LPA: variants seen among roughly 807,000 people sequenced by gnomAD.
LPA encodes the protein lipoprotein(a).
LPA carries 199 observed loss-of-function variants against 197.9 expected under a neutral mutation model. The observed-to-expected ratio is 1.01, with a 90% CI of 0.90 to 1.13. The LOEUF (loss-of-function observed/expected upper bound fraction) is 1.13, where lower values mean the gene tolerates loss of function less well. Ranked by LOEUF, LPA falls within the 50% of genes most tolerant of loss-of-function variation. The pLI is 0.00. For synonymous variants in LPA, 715 were observed against 639.5 expected (o/e 1.12, Z -1.78); for missense variants, 1,853 against 1,785.8 (o/e 1.04, Z -0.68).
intron 32 of LPA, among the ~76,000 whole-genome samples, chr6:160,546,740 G>A (rs1175249930): frequency 6.6e-6 from 1 of 152,120 alleles, no homozygotes; most frequent in East Asian, 1.9e-4. Flanking sequence ...ACTCGCTTGG[G>A]GTGTGAGGAG....
chr6:160,557,575 C>A lies in LPA; in HGVS notation c.4632-4G>T. On this transcript the variant is annotated splice_region_variant and splice_polypyrimidine_tract_variant and intron_variant, in intron 28 of 38. Transcript: ENST00000316300. ...GCAGTAGTTCTCGGTCAGGCCACTG[C>A]AAATTCCAAAACAACACAGGTCACA... The A allele has an allele frequency of 6.2e-7, 1 of 1,614,070 alleles. No individual in the cohort carries two copies. Among genetic ancestry groups the A allele is most frequent in the Non-Finnish European group, 8.5e-7 (1 of 1,179,972 alleles).
At chr6:160,565,199 G>T (rs1778429852) in intron 28 of LPA, among the ~76,000 whole-genome samples, 1 of 152,222 alleles carries the variant, frequency 6.6e-6, no homozygotes, top group Non-Finnish European at 1.5e-5. Flanking sequence ...GAGAGTTTGA[G>T]ATCTGAGAAT....
At chr6:160,577,848 C>T (rs1039120275) in intron 27 of LPA, among the ~76,000 whole-genome samples, 3 of 152,194 alleles carry the variant, frequency 2.0e-5, no homozygotes, top group Non-Finnish European at 2.9e-5. Flanking sequence ...AGGGAATCTT[C>T]TAGTGCCCAG....
intron 16 of LPA, among the ~76,000 whole-genome samples, chr6:160,610,320 C>A (rs1779465806): frequency 6.6e-6 from 1 of 152,226 alleles, no homozygotes; most frequent in South Asian, 2.1e-4. Context: ...TGGACACTTG[C>A]TTTTCAGCTG....
intron 37 of LPA, among the ~76,000 whole-genome samples, chr6:160,536,303 C>T (rs1777894448): frequency 6.6e-6 from 1 of 152,144 alleles, no homozygotes; most frequent in Non-Finnish European, 1.5e-5. Context: ...CTAAGAATTT[C>T]CCTTGTTTTG....
chr6:160,598,874 C>T (rs1294819281), intron 20 of LPA, among the ~76,000 whole-genome samples: 1 of 152,186 alleles, frequency 6.6e-6, no homozygotes, highest in East Asian at 1.9e-4. Context: ...GGGACTAGAG[C>T]TTAGAATGAT....
At chr6:160,655,994 T>G (rs1780125351) in intron 1 of LPA, among the ~76,000 whole-genome samples, 1 of 152,194 alleles carries the variant, frequency 6.6e-6, no homozygotes, top group African/African-American at 2.4e-5. Flanking sequence ...AAAAAGCCAC[T>G]TGCCAAGCCA....
chr6:160,600,796 G>GA, intron 19 of LPA, 121 bp downstream of exon 19: 1 of 1,153,170 alleles, frequency 8.7e-7, no homozygotes, highest in Non-Finnish European at 1.3e-6. Flanking sequence ...CCTCCCACAT[G>GA]GCAGACCCAG....
At position 160,532,533 on chromosome 6, in the gene LPA, G is replaced by A; in HGVS notation, c.5959C>T (p.Gln1987Ter). ...TTGATCTATTGATCTTTTCTTACCT[G>A]GCAACTGTCAGTGCCTCTGGCCAAA... is the stretch of plus-strand genomic sequence containing the variant. ...EHLARGTDSC[Q>*]GDSGGPLVCF... The change falls in exon 38 of 39, where the codon CAG becomes TAG. Residue 1987 changes from glutamine (Q) to a stop codon, truncating the protein, a stop_gained and splice_region_variant. Transcript: ENST00000316300. LOFTEE classifies it high-confidence loss of function. 1 of 1,585,804 alleles carries A rather than the reference G, an allele frequency of 6.3e-7. No homozygotes were observed. The highest frequency in any genetic ancestry group is 8.7e-7 in the Non-Finnish European group (1 of 1,154,348).
intron 28 of LPA, among the ~76,000 whole-genome samples, chr6:160,568,044 C>A (rs916819878): frequency 1.3e-5 from 2 of 152,016 alleles, no homozygotes; most frequent in Non-Finnish European, 2.9e-5. Context: ...GATTCATAGC[C>A]GAATTCTACC....
intron 20 of LPA, among the ~76,000 whole-genome samples, chr6:160,598,475 T>C (rs1339745280): frequency 6.6e-6 from 1 of 152,200 alleles, no homozygotes; most frequent in Non-Finnish European, 1.5e-5. Context: ...AGCCAAGGCA[T>C]TGATGGGTTG....
chr6:160,566,563 C>G (rs1053689596), intron 28 of LPA, among the ~76,000 whole-genome samples: 1 of 152,156 alleles, frequency 6.6e-6, no homozygotes, highest in Non-Finnish European at 1.5e-5. Flanking sequence ...ACCATCGATG[C>G]TAGGAAGAAA....
In LPA at chr6:160,634,068, A is replaced by C. The variant is rs1282628265; in HGVS notation, c.1076-156T>G. ...TGGATGGGAGAAAACCAACCAAAAAACATACAGCAAACCTACAGATTCCTA... is the reference window on the plus strand; with the variant it reads ...TGGATGGGAGAAAACCAACCAAAAACCATACAGCAAACCTACAGATTCCTA... On this transcript the variant is annotated intron_variant, in intron 7 of 38. Transcript: ENST00000316300. 1.4e-5 allele frequency among the ~76,000 whole-genome samples: 2 copies of C among 144,948 alleles called. 1 individual carries two copies. The highest frequency in any genetic ancestry group is 5.2e-5 in the African/African-American group (2 of 38,572).
chr6:160,532,985 T>C (rs1025105385), intron 37 of LPA, among the ~76,000 whole-genome samples: 1 of 152,254 alleles, frequency 6.6e-6, no homozygotes, highest in African/African-American at 2.4e-5. Context: ...ATTCTTTTTA[T>C]ATACTTTTTT....
chr6:160,582,873 T>C (rs115625992), intron 26 of LPA, among the ~76,000 whole-genome samples: 110 of 152,272 alleles, frequency 7.2e-4, no homozygotes, highest in African/African-American at 2.4e-3. Flanking sequence ...TGAGGCTCTG[T>C]TTATCTTCTC....
At chr6:160,600,869 T>C in intron 19 of LPA, 48 bp downstream of exon 19, 1 of 1,601,572 alleles carries the variant, frequency 6.2e-7, no homozygotes, top group Non-Finnish European at 8.5e-7. Context: ...TATCCATGGC[T>C]TTTCATCCCA....
chr6:160,571,565 G>A (rs1430704851), intron 28 of LPA, among the ~76,000 whole-genome samples: 1 of 152,172 alleles, frequency 6.6e-6, no homozygotes, highest in Non-Finnish European at 1.5e-5. Flanking sequence ...TTTCAGAGAT[G>A]CCCTGCCCAG....
chr6:160,581,027 A>T (rs1271546715), intron 26 of LPA, among the ~76,000 whole-genome samples: 1 of 151,516 alleles, frequency 6.6e-6, no homozygotes, highest in African/African-American at 2.4e-5. Context: ...TAGCAGTCTT[A>T]TATTTCAGCC....
intron 25 of LPA, among the ~76,000 whole-genome samples, chr6:160,585,880 T>G (rs561074394): frequency 6.6e-6 from 1 of 152,156 alleles, no homozygotes; most frequent in South Asian, 2.1e-4. Flanking sequence ...ATGAGAACAC[T>G]GAGAAATCCC....
Sources: gnomAD v4.1 joint callset for allele counts (sites outside exome capture counted in the v4.1 genomes callset) on GRCh38, gnomAD v4.1.1 for gene constraint, MANE v1.5 for transcripts, NCBI Gene and HGNC (gene_info 2026-07-23, HGNC 2026-07-21) for gene names.